Variants in OPCML observed in about 807,000 individuals in gnomAD.
The protein encoded by OPCML is opioid binding protein/cell adhesion molecule like, also known as opioid-binding protein/cell adhesion molecule.
A neutral mutation model predicts 37.8 loss-of-function variants in OPCML; 13 were observed. The observed-to-expected ratio is 0.34, with a 90% CI of 0.22 to 0.55. The LOEUF (loss-of-function observed/expected upper bound fraction) is 0.55, where lower values mean the gene tolerates loss of function less well. Ranked by LOEUF, OPCML falls within the 20% of genes least tolerant of loss-of-function variation. The probability of loss-of-function intolerance (pLI) is 0.91; values close to 1 mark genes in which losing one functional copy is unlikely to be tolerated. For synonymous variants in OPCML, 176 were observed against 168.8 expected, an observed-to-expected ratio of 1.04 and a Z score of -0.33; for missense variants, 341 against 435.6, an observed-to-expected ratio of 0.78 and a Z score of 1.93.
At chr11:133,227,524 G>C (rs766282852) in intron 1 of OPCML, among the ~76,000 whole-genome samples, 4 of 152,138 alleles carry the variant, frequency 2.6e-5, no homozygotes, top group Non-Finnish European at 5.9e-5. Flanking sequence ...ATTTCCTCCT[G>C]GGAGAGGCTG....
At chr11:132,844,291 G>A (rs532729081) in intron 2 of OPCML, among the ~76,000 whole-genome samples, 13 of 152,260 alleles carry the variant, frequency 8.5e-5, no homozygotes, top group Admixed American at 6.5e-4. Context: ...AAAGGAGAAG[G>A]AATCATATCT....
intron 2 of OPCML, among the ~76,000 whole-genome samples, chr11:132,703,316 A>G (rs1943904672): frequency 1.3e-5 from 2 of 152,212 alleles, no homozygotes; most frequent in South Asian, 2.1e-4. Flanking sequence ...CTAAACATTA[A>G]AAAGGTACAG....
chr11:133,492,725 A>AAC (rs1947693384), intron 1 of OPCML, among the ~76,000 whole-genome samples: 1 of 151,996 alleles, frequency 6.6e-6, no homozygotes, highest in South Asian at 2.1e-4. Flanking sequence ...AAAAAAAAAA[A>AAC]AGTTTAAATT....
chr11:133,370,294 A>G (rs1944643282), intron 1 of OPCML, among the ~76,000 whole-genome samples: 1 of 152,202 alleles, frequency 6.6e-6, no homozygotes, highest in African/African-American at 2.4e-5. Context: ...CATTGGCTTT[A>G]AAGCCCAAGT....
chr11:132,649,230 C>T (rs538535175), intron 3 of OPCML, among the ~76,000 whole-genome samples: 1 of 152,198 alleles, frequency 6.6e-6, no homozygotes, highest in African/African-American at 2.4e-5. Flanking sequence ...TGTATCTTCA[C>T]AACAGTGGGA....
At chr11:133,398,920 A>G (rs1371631881) in intron 1 of OPCML, among the ~76,000 whole-genome samples, 1 of 152,240 alleles carries the variant, frequency 6.6e-6, no homozygotes, top group Non-Finnish European at 1.5e-5. Context: ...CCCAAAGAAC[A>G]TAGATTTACA....
At chr11:133,025,680 T>A (rs558101085) in intron 1 of OPCML, among the ~76,000 whole-genome samples, 200 of 151,688 alleles carry the variant, frequency 1.3e-3, no homozygotes, top group African/African-American at 4.6e-3. Flanking sequence ...CTCAGGCTCC[T>A]GAGTAGTTGA....
rs556510038 is a variant in OPCML, at chr11:132,431,260, G to A, written c.916+4826C>T. ...TTCCCAAATTCAGCCCAGACACTTAGAAAGCTGAAAGTAACCTTGGAGTTC... is the reference window on the plus strand; with the variant it reads ...TTCCCAAATTCAGCCCAGACACTTAAAAAGCTGAAAGTAACCTTGGAGTTC... On this transcript the variant is annotated intron_variant, in intron 7 of 7. Transcript: ENST00000524381. 9.2e-5 allele frequency among the ~76,000 whole-genome samples: 14 copies of A among 152,312 alleles called. No individual in the cohort carries two copies. The South Asian group carries it at 2.9e-3, about 32-fold the overall frequency.
chr11:132,842,159 T>C (rs1210474411), intron 2 of OPCML, among the ~76,000 whole-genome samples: 3 of 152,146 alleles, frequency 2.0e-5, no homozygotes, highest in Admixed American at 1.3e-4. Context: ...TAAATGTGTG[T>C]TTCTGTAACC....
chr11:132,501,410 C>G (rs1174739059), intron 4 of OPCML, among the ~76,000 whole-genome samples: 2 of 152,174 alleles, frequency 1.3e-5, no homozygotes, highest in Non-Finnish European at 2.9e-5. Flanking sequence ...AAGTGGATTC[C>G]TGGTCCCGGG....
intron 1 of OPCML, among the ~76,000 whole-genome samples, chr11:133,207,172 C>T (rs1939108408): frequency 1.3e-5 from 2 of 149,894 alleles, no homozygotes; most frequent in Non-Finnish European, 3.0e-5. Context: ...TGGTGGCGGG[C>T]ACCTGTTGTC....
At chr11:133,472,504 G>A (rs1272288934) in intron 1 of OPCML, among the ~76,000 whole-genome samples, 1 of 151,804 alleles carries the variant, frequency 6.6e-6, no homozygotes, top group Non-Finnish European at 1.5e-5. Flanking sequence ...ATGATGTGAT[G>A]CAGATCAGGC....
At chr11:133,439,590 C>T (rs2136935154) in intron 1 of OPCML, among the ~76,000 whole-genome samples, 1 of 152,160 alleles carries the variant, frequency 6.6e-6, no homozygotes, top group South Asian at 2.1e-4. Context: ...GCCTCAGCCT[C>T]CCGAGTGGCT....
chr11:132,672,770 T>C (rs1305863674), intron 2 of OPCML, among the ~76,000 whole-genome samples: 3 of 152,146 alleles, frequency 2.0e-5, no homozygotes, highest in Non-Finnish European at 4.4e-5. Flanking sequence ...AGGAGATCCA[T>C]TGATTCCTGT....
At chr11:133,161,889 A>G (rs1256413149) in intron 1 of OPCML, among the ~76,000 whole-genome samples, 1 of 150,636 alleles carries the variant, frequency 6.6e-6, no homozygotes, top group Non-Finnish European at 1.5e-5. Flanking sequence ...TTCAAAACCC[A>G]GCACAGTGCC....
chr11:133,132,857 C>CAA (rs5795819), intron 1 of OPCML, among the ~76,000 whole-genome samples: 4 of 137,856 alleles, frequency 2.9e-5, no homozygotes, highest in African/African-American at 1.1e-4. Context: ...CAAAGGGAAG[C>CAA]AAAAAAAAAA....
At chr11:133,501,289 C>A (rs529217927) in intron 1 of OPCML, among the ~76,000 whole-genome samples, 2 of 152,100 alleles carry the variant, frequency 1.3e-5, no homozygotes, top group African/African-American at 2.4e-5. Context: ...TCCTAGGGAC[C>A]CCCCCACGGT....
intron 4 of OPCML, among the ~76,000 whole-genome samples, chr11:132,495,221 G>C (rs778163774): frequency 2.0e-5 from 3 of 152,138 alleles, no homozygotes; most frequent in Non-Finnish European, 2.9e-5. Flanking sequence ...CTCTGTCTCT[G>C]ACTTTTAGGA....
intron 1 of OPCML, among the ~76,000 whole-genome samples, chr11:133,021,508 A>G (rs1159747946): frequency 1.3e-5 from 2 of 152,130 alleles, no homozygotes; most frequent in Admixed American, 6.5e-5. Flanking sequence ...CTCAACGGCA[A>G]TGAGCTTTGC....
Sources: gnomAD v4.1 joint callset for allele counts (sites outside exome capture counted in the v4.1 genomes callset) on GRCh38, gnomAD v4.1.1 for gene constraint, MANE v1.5 for transcripts, NCBI Gene and HGNC (gene_info 2026-07-23, HGNC 2026-07-21) for gene names.